The following FUT9 variants were observed in gnomAD, a reference collection of about 807,000 sequenced individuals.
The protein encoded by FUT9 is fucosyltransferase 9, also known as 4-galactosyl-N-acetylglucosaminide 3-alpha-L-fucosyltransferase 9.
Under a neutral mutation model 29.7 loss-of-function variants are expected in FUT9, and 15 were observed. That is an observed-to-expected ratio of 0.51 (90% CI 0.34 to 0.78). FUT9 has a LOEUF of 0.78. Ranked by LOEUF, FUT9 falls within the 30% of genes least tolerant of loss-of-function variation. FUT9 has a pLI of 0.01. For missense variants in FUT9, 319 were observed against 425.4 expected (o/e 0.75, Z 2.20); for synonymous variants, 169 against 153.7 (o/e 1.10, Z -0.74).
In FUT9 at chr6:96,215,375, T is replaced by C. The variant is rs1173585415; in HGVS notation, c.*11140T>C. On this transcript the variant is annotated 3_prime_UTR_variant, in exon 3 of 3. Coordinates refer to ENST00000302103, the MANE Select transcript of FUT9 (RefSeq NM_006581.4). ...TTGTGAAATTTTATTCAGCAATTAA[T>C]AGTGATTTCAGCAATATGTACTAAG... 1.2e-5 allele frequency: 2 copies of C among 166,914 alleles called. No homozygotes were observed. Among genetic ancestry groups the C allele is most frequent in the Non-Finnish European group, 2.9e-5 (2 of 68,092 alleles). 10.3% of individuals were successfully genotyped at this position (166,914 alleles called of 1,614,324 possible).
chr6:96,086,401 G>A (rs1240860916), intron 1 of FUT9, among the ~76,000 whole-genome samples: 2 of 151,984 alleles, frequency 1.3e-5, no homozygotes, highest in Non-Finnish European at 2.9e-5. Context: ...TTTTCCTTCA[G>A]TTTGTCCCCT....
intron 2 of FUT9, among the ~76,000 whole-genome samples, chr6:96,162,789 C>T (rs76220000): frequency 3.8e-4 from 58 of 152,242 alleles, no homozygotes; most frequent in African/African-American, 1.4e-3. Context: ...GCATTCTTTG[C>T]GTTGTAATTC....
At chr6:96,110,692 C>T (rs981135079) in intron 1 of FUT9, among the ~76,000 whole-genome samples, 2 of 152,012 alleles carry the variant, frequency 1.3e-5, no homozygotes, top group Admixed American at 1.3e-4. Context: ...TTAAGGGTAT[C>T]ATTCTGTTGC....
At chr6:96,072,120 T>C (rs1562116131) in intron 1 of FUT9, among the ~76,000 whole-genome samples, 1 of 152,200 alleles carries the variant, frequency 6.6e-6, no homozygotes, top group Non-Finnish European at 1.5e-5. Flanking sequence ...GGTTCTATTA[T>C]AGACTCCATT....
At position 96,203,855 on chromosome 6, in the gene FUT9, A is replaced by G; in HGVS notation, c.700A>G (p.Thr234Ala). The change falls in exon 3 of 3, where the codon ACC (threonine) becomes GCC (alanine). Residue 234 changes from threonine (T) to alanine (A), a missense_variant. By Grantham distance (58) the Thr-to-Ala change is moderately conservative (BLOSUM62 0). Transcript: ENST00000302103. ...TGTCAATGATAAAAATTTGATTCCT[A>G]CCATATCTACTTGTAAATTTTATCT... is the stretch of plus-strand genomic sequence containing the variant. ...EYVNDKNLIP[T>A]ISTCKFYLSF... 1 of 1,611,060 alleles carries G rather than the reference A, an allele frequency of 6.2e-7. No individual in the cohort carries two copies. Among genetic ancestry groups the G allele is most frequent in the Non-Finnish European group, 8.5e-7 (1 of 1,177,552 alleles).
At chr6:96,136,981 G>A (rs777902647) in intron 2 of FUT9, among the ~76,000 whole-genome samples, 7 of 151,854 alleles carry the variant, frequency 4.6e-5, no homozygotes, top group Non-Finnish European at 1.0e-4. Context: ...ACGAGAAAAT[G>A]GAAACCTTTA....
intron 1 of FUT9, among the ~76,000 whole-genome samples, chr6:96,050,625 G>T (rs984484719): frequency 3.3e-5 from 5 of 152,134 alleles, no homozygotes; most frequent in Admixed American, 1.3e-4. Flanking sequence ...ATCTCAATGG[G>T]ACTTGGAAAT....
chr6:96,147,860 A>G (rs879557268), intron 2 of FUT9, among the ~76,000 whole-genome samples: 55 of 150,830 alleles, frequency 3.6e-4, no homozygotes, highest in Non-Finnish European at 8.1e-4. Flanking sequence ...ACACTAGATA[A>G]AAGATGATCT....
Position 96,106,927 on chromosome 6 carries a change from AC to A in FUT9, c.-97-7110del, listed in dbSNP as rs796940169. Among the ~76,000 whole-genome samples, 20 of 152,352 alleles carry A rather than the reference AC, an allele frequency of 1.3e-4. 1 individual carries two copies. Among genetic ancestry groups the A allele is most frequent in the African/African-American group, 4.6e-4 (19 of 41,592 alleles). ...AATAAAAAAATTCATTTTGGTTTAAACCAGAATTTGGTAAACTACAGCACTT... is the reference window on the plus strand; with the variant it reads ...AATAAAAAAATTCATTTTGGTTTAAACAGAATTTGGTAAACTACAGCACTT... On this transcript the variant is annotated intron_variant, in intron 1 of 2. Coordinates refer to ENST00000302103, the MANE Select transcript of FUT9 (RefSeq NM_006581.4).
At chr6:96,118,989 TATGAAA>T (rs1771968659) in intron 2 of FUT9, among the ~76,000 whole-genome samples, 1 of 152,194 alleles carries the variant, frequency 6.6e-6, no homozygotes, top group Non-Finnish European at 1.5e-5. Flanking sequence ...GCTGTGTTAT[TATGAAA>T]AAACTCAAAG....
chr6:96,164,712 C>CGA (rs140821773), intron 2 of FUT9, among the ~76,000 whole-genome samples: 1,867 of 152,306 alleles, frequency 0.012, 15 homozygotes, highest in Non-Finnish European at 0.02. Flanking sequence ...TCTGACCACT[C>CGA]ATTCCCATCA....
At position 96,026,365 on chromosome 6, in the gene FUT9, T is replaced by C. The variant is rs1167057070; in HGVS notation, c.-98+10153T>C. Among the ~76,000 whole-genome samples the C allele has an allele frequency of 2.0e-5, 3 of 151,660 alleles. No homozygotes were observed. The East Asian group carries it at 5.8e-4, about 29-fold the overall frequency. ...AAGAAGGAAGCTTTTGGAACAAATA[T>C]ATTGTATTTAAGCTGCAATATTAGA... On this transcript the variant is annotated intron_variant, in intron 1 of 2. Transcript: ENST00000302103.
At chr6:96,139,235 G>A (rs754399714) in intron 2 of FUT9, among the ~76,000 whole-genome samples, 34 of 152,134 alleles carry the variant, frequency 2.2e-4, no homozygotes, top group African/African-American at 4.3e-4. Flanking sequence ...AAATTCAACA[G>A]GGCAGTCAAA....
At chr6:96,073,815 A>G (rs1243435349) in intron 1 of FUT9, among the ~76,000 whole-genome samples, 1 of 152,098 alleles carries the variant, frequency 6.6e-6, no homozygotes, top group African/African-American at 2.4e-5. Flanking sequence ...TAGCTGTGTA[A>G]CCTTGTACAA....
intron 1 of FUT9, among the ~76,000 whole-genome samples, chr6:96,104,691 C>A (rs773563077): frequency 1.1e-4 from 16 of 151,918 alleles, no homozygotes; most frequent in Non-Finnish European, 2.2e-4. Flanking sequence ...CCATCACGCC[C>A]GGCACATTTT....
chr6:96,192,131 G>C (rs1310472416), intron 2 of FUT9, among the ~76,000 whole-genome samples: 1 of 152,094 alleles, frequency 6.6e-6, no homozygotes, highest in African/African-American at 2.4e-5. Flanking sequence ...CATTCCCTTT[G>C]AAAACTGGCA....
At chr6:96,157,092 A>G (rs1772799313) in intron 2 of FUT9, among the ~76,000 whole-genome samples, 1 of 152,226 alleles carries the variant, frequency 6.6e-6, no homozygotes, top group African/African-American at 2.4e-5. Flanking sequence ...AGTTAACTGT[A>G]CCTAGCCCCA....
Position 96,058,848 on chromosome 6 carries a change from G to T in FUT9, c.-98+42636G>T, listed in dbSNP as rs559895215. Among the ~76,000 whole-genome samples, 7 of 152,192 alleles carry T rather than the reference G, an allele frequency of 4.6e-5. No individual in the cohort carries two copies. The South Asian group carries it at 1.5e-3, about 32-fold the overall frequency. On this transcript the variant is annotated intron_variant, in intron 1 of 2. Transcript: ENST00000302103. ...TTGTTCAGTAGAATTTTGTACACTTGCAAATGGAATTTTTAGACACAAGAA... is the reference window on the plus strand; with the variant it reads ...TTGTTCAGTAGAATTTTGTACACTTTCAAATGGAATTTTTAGACACAAGAA...
chr6:96,125,423 T>C (rs1772116167), intron 2 of FUT9, among the ~76,000 whole-genome samples: 1 of 152,232 alleles, frequency 6.6e-6, no homozygotes. Context: ...TGAAATGTGA[T>C]ATTGATTACA....
Sources: allele counts gnomAD v4.1 joint callset (sites outside exome capture counted in the v4.1 genomes callset), GRCh38; gene constraint gnomAD v4.1.1; transcripts MANE v1.5; gene names NCBI Gene and HGNC (gene_info 2026-07-23, HGNC 2026-07-21).